The following ATRNL1 variants were observed in gnomAD, a reference collection of about 807,000 sequenced individuals.
ATRNL1 encodes the protein attractin-like protein 1.
A neutral mutation model predicts 182.7 loss-of-function variants in ATRNL1; 95 were observed. That is an observed-to-expected ratio of 0.52 (90% confidence interval 0.44 to 0.62). The LOEUF is 0.62. Ranked by LOEUF, ATRNL1 falls within the 20% of genes least tolerant of loss-of-function variation. ATRNL1 has a pLI of 0.00. For synonymous variants in ATRNL1, 576 were observed against 568.3 expected, an observed-to-expected ratio of 1.01 and a Z score of -0.19; for missense variants, 1,471 against 1,679.5, an observed-to-expected ratio of 0.88 and a Z score of 2.17.
chr10:115,878,553 G>A (rs1436356907), intron 28 of ATRNL1, among the ~76,000 whole-genome samples: 1 of 152,142 alleles, frequency 6.6e-6, no homozygotes, highest in Admixed American at 6.5e-5. Flanking sequence ...TGGGGTACAA[G>A]TATATTTTCT....
At chr10:115,826,665 T>C (rs782283253) in intron 27 of ATRNL1, among the ~76,000 whole-genome samples, 1 of 152,148 alleles carries the variant, frequency 6.6e-6, no homozygotes, top group Non-Finnish European at 1.5e-5. Context: ...TAGAATTTTA[T>C]TGAGCAAAAG....
intron 9 of ATRNL1, among the ~76,000 whole-genome samples, chr10:115,222,776 C>T (rs1302867520): frequency 6.6e-6 from 1 of 151,698 alleles, no homozygotes; most frequent in Non-Finnish European, 1.5e-5. Context: ...AGTAGGCTTT[C>T]GATAAAGGAA....
intron 25 of ATRNL1, among the ~76,000 whole-genome samples, chr10:115,521,684 G>A: frequency 6.6e-6 from 1 of 151,994 alleles, no homozygotes; most frequent in East Asian, 1.9e-4. Flanking sequence ...TTATTATGTT[G>A]TCATCATGGA....
intron 26 of ATRNL1, among the ~76,000 whole-genome samples, chr10:115,581,991 G>A (rs1190222287): frequency 2.7e-5 from 4 of 147,278 alleles, no homozygotes; most frequent in South Asian, 4.3e-4. Context: ...GAGAATATGC[G>A]GTGTTTGGTT....
intron 26 of ATRNL1, among the ~76,000 whole-genome samples, chr10:115,643,487 C>T (rs1859398884): frequency 1.3e-5 from 2 of 151,756 alleles, no homozygotes; most frequent in Admixed American, 1.3e-4. Context: ...ATTAGAATTA[C>T]AAAGTAATAA....
intron 26 of ATRNL1, among the ~76,000 whole-genome samples, chr10:115,659,162 C>T (rs1860519301): frequency 1.3e-5 from 2 of 152,114 alleles, no homozygotes; most frequent in Non-Finnish European, 2.9e-5. Context: ...ACACAACATT[C>T]TCCTCTGGCT....
intron 8 of ATRNL1, among the ~76,000 whole-genome samples, chr10:115,202,632 G>A (rs1343416318): frequency 6.7e-6 from 1 of 148,198 alleles, no homozygotes; most frequent in Non-Finnish European, 1.5e-5. Context: ...GATTCGGTTT[G>A]CCAGTATTTT....
chr10:115,199,846 A>G (rs1466791668), intron 8 of ATRNL1, among the ~76,000 whole-genome samples: 3 of 152,172 alleles, frequency 2.0e-5, no homozygotes, highest in African/African-American at 7.2e-5. Context: ...AAATGTTTGA[A>G]TGCTTCTATT....
chr10:115,294,993 C>T (rs542210829), intron 15 of ATRNL1, among the ~76,000 whole-genome samples: 1 of 152,268 alleles, frequency 6.6e-6, no homozygotes, highest in Admixed American at 6.5e-5. Flanking sequence ...AACTTGCATT[C>T]TGGCTTGCTG....
chr10:115,623,288 C>T (rs1376668529), intron 26 of ATRNL1, among the ~76,000 whole-genome samples: 2 of 151,964 alleles, frequency 1.3e-5, no homozygotes, highest in East Asian at 1.9e-4. Context: ...TCAGACAGAC[C>T]GCATTCTGTT....
At chr10:115,600,249 T>A (rs1565203309) in intron 26 of ATRNL1, among the ~76,000 whole-genome samples, 1 of 152,334 alleles carries the variant, frequency 6.6e-6, no homozygotes, top group East Asian at 1.9e-4. Context: ...TTTAAAAAAA[T>A]TTAACTTGAG....
intron 27 of ATRNL1, among the ~76,000 whole-genome samples, chr10:115,833,235 A>G (rs1297846647): frequency 6.6e-6 from 1 of 152,206 alleles, no homozygotes; most frequent in East Asian, 1.9e-4. Flanking sequence ...CAAAAACCCT[A>G]TCAGTAATTA....
intron 27 of ATRNL1, among the ~76,000 whole-genome samples, chr10:115,748,645 C>T (rs1430362480): frequency 1.3e-5 from 2 of 151,762 alleles, no homozygotes; most frequent in Admixed American, 1.3e-4. Flanking sequence ...AAAACATTTT[C>T]ACCCACATTG....
At chr10:115,716,747 T>G (rs1555056427) in intron 26 of ATRNL1, among the ~76,000 whole-genome samples, 1 of 152,160 alleles carries the variant, frequency 6.6e-6, no homozygotes, top group Non-Finnish European at 1.5e-5. Flanking sequence ...GTCAGATGCT[T>G]TTATATTTCC....
intron 24 of ATRNL1, among the ~76,000 whole-genome samples, chr10:115,495,501 G>GATT: frequency 6.6e-6 from 1 of 152,242 alleles, no homozygotes; most frequent in Non-Finnish European, 1.5e-5. Flanking sequence ...GTGCTCCAGA[G>GATT]ATTCTGGTGT....
intron 20 of ATRNL1, among the ~76,000 whole-genome samples, chr10:115,407,097 T>G (rs1844868464): frequency 6.6e-6 from 1 of 152,160 alleles, no homozygotes; most frequent in Non-Finnish European, 1.5e-5. Flanking sequence ...CATTTATTTA[T>G]TTAAATTGGA....
intron 24 of ATRNL1, among the ~76,000 whole-genome samples, chr10:115,492,579 AT>A (rs1849351686): frequency 7.0e-6 from 1 of 143,012 alleles, no homozygotes. Context: ...TTTATATTTC[AT>A]TTACTTTATA....
At chr10:115,474,643 G>T (rs1848451422) in intron 24 of ATRNL1, among the ~76,000 whole-genome samples, 1 of 151,238 alleles carries the variant, frequency 6.6e-6, no homozygotes, top group African/African-American at 2.4e-5. Flanking sequence ...ACTCTTCACT[G>T]TCTTGAGTCT....
intron 8 of ATRNL1, among the ~76,000 whole-genome samples, chr10:115,200,170 A>G (rs568897194): frequency 6.6e-6 from 1 of 151,856 alleles, no homozygotes; most frequent in East Asian, 1.9e-4. Context: ...GATACTACCA[A>G]CAATTTGGAG....
Sources: allele counts gnomAD v4.1 joint callset (sites outside exome capture counted in the v4.1 genomes callset), GRCh38; gene constraint gnomAD v4.1.1; transcripts MANE v1.5; gene names NCBI Gene and HGNC (gene_info 2026-07-23, HGNC 2026-07-21).